Variants in NID2 observed in about 807,000 individuals in gnomAD.
The protein encoded by NID2 is nidogen 2.
Under a neutral mutation model 145.4 loss-of-function variants are expected in NID2, and 83 were observed. The ratio of observed to expected loss-of-function variants is 0.57; its 90% confidence interval spans 0.48 to 0.69. NID2 has a LOEUF of 0.69. Among genes scored for constraint, NID2 ranks in the 30% least tolerant of loss-of-function variants. The probability of loss-of-function intolerance (pLI) is 0.00; values close to 1 mark genes in which losing one functional copy is unlikely to be tolerated. For missense variants in NID2, 1,807 were observed against 1,765.7 expected (o/e 1.02, Z -0.42); for synonymous variants, 739 against 701.3 (o/e 1.05, Z -0.85).
At chr14:52,054,408 A>G in intron 3 of NID2, 87 bp from the exon 4 acceptor site, 2 of 1,344,294 alleles carry the variant, frequency 1.5e-6, no homozygotes, top group Non-Finnish European at 2.0e-6. Flanking sequence ...ACTTATTTTA[A>G]AACGGAAAGA....
intron 20 of NID2, 57 bp downstream of exon 20, chr14:52,006,480 G>A: frequency 6.2e-7 from 1 of 1,604,398 alleles, no homozygotes; most frequent in East Asian, 2.2e-5. Flanking sequence ...AAAACAAGTG[G>A]TGTGTCCTCT....
intron 7 of NID2, 61 bp downstream of exon 7, chr14:52,042,044 C>T: frequency 1.3e-6 from 2 of 1,522,092 alleles, no homozygotes; most frequent in Non-Finnish European, 1.8e-6. Context: ...AAGACAGTGC[C>T]CCAAGGAGCA....
At chr14:52,041,305 A>G (rs114196086) in intron 7 of NID2, among the ~76,000 whole-genome samples, 1,642 of 152,308 alleles carry the variant, frequency 0.011, 28 homozygotes, top group African/African-American at 0.038. Context: ...TGAAATACAA[A>G]TTTATCCAGG....
At chr14:52,014,970 T>TC (rs1391282017) in intron 15 of NID2, 84 bp downstream of exon 15, 13 of 1,111,648 alleles carry the variant, frequency 1.2e-5, no homozygotes, top group East Asian at 5.2e-5. Flanking sequence ...ACCCCACATG[T>TC]CCCCCCACTT....
At chr14:52,006,082 G>A (rs1262748387) in intron 20 of NID2, 1 of 515,936 alleles carries the variant, frequency 1.9e-6, no homozygotes, top group East Asian at 3.5e-5. Context: ...TGTAGGGCAT[G>A]GTGTAAAGGG....
At chr14:52,008,199 G>GCTCT in intron 18 of NID2, 2 of 394,770 alleles carry the variant, frequency 5.1e-6, no homozygotes, top group Non-Finnish European at 9.1e-6. Flanking sequence ...TGCCTTAGGG[G>GCTCT]CTCTCTCTTG....
intron 16 of NID2, 186 bp from the exon 17 acceptor site, chr14:52,011,869 G>A (rs1302009169): frequency 3.1e-5 from 20 of 644,234 alleles, no homozygotes; most frequent in Non-Finnish European, 4.8e-5. Flanking sequence ...TAGTAGCCAT[G>A]TGGCTTTGGG....
intron 9 of NID2, among the ~76,000 whole-genome samples, chr14:52,035,878 A>ACATATATATATATTTATTTATATT (rs1555364238): frequency 7.4e-6 from 1 of 135,204 alleles, no homozygotes; most frequent in Non-Finnish European, 1.5e-5. Context: ...ATATATATAT[A>ACATATATATATATTTATTTATATT]TGTTTTATTT....
chr14:52,018,502 G>C (rs559964005), intron 14 of NID2, among the ~76,000 whole-genome samples: 6 of 152,364 alleles, frequency 3.9e-5, no homozygotes, highest in African/African-American at 1.4e-4. Flanking sequence ...ACAGAAACCA[G>C]ATGTCTGTGC....
chr14:52,031,096 C>T (rs540503033), intron 9 of NID2, among the ~76,000 whole-genome samples: 11 of 152,172 alleles, frequency 7.2e-5, no homozygotes, highest in Non-Finnish European at 1.5e-4. Flanking sequence ...TCATGCTTTC[C>T]ACCGCTTTGC....
chr14:52,068,963 A>ACCGGCCGC lies in NID2; in HGVS notation c.24_31dup (p.Val11GlyfsTer17), dbSNP rs773174204. 2 of 1,612,748 alleles carry ACCGGCCGC rather than the reference A, an allele frequency of 1.2e-6. No individual in the cohort carries two copies. The stretch of plus-strand genomic sequence containing the variant: ...CAGTAGCACTGGTAACGACGACAGC[A>ACCGGCCGC]CCGGCCGCCCGGCCACCCGGTCCCC... On this transcript the variant is annotated frameshift_variant, in exon 1 of 22. Coordinates refer to ENST00000216286, the MANE Select transcript of NID2 (RefSeq NM_007361.4). LOFTEE classifies it high-confidence loss of function.
intron 5 of NID2, among the ~76,000 whole-genome samples, chr14:52,046,651 C>A (rs191251720): frequency 4.6e-5 from 7 of 152,172 alleles, no homozygotes; most frequent in African/African-American, 1.7e-4. Context: ...AGATTGGAAG[C>A]TGTACTACAT....
At position 52,029,623 on chromosome 14, in the gene NID2, C is replaced by A. The variant is rs760827521; in HGVS notation, c.2325G>T (p.Arg775=). ...AATCTACACCTGTCCCTGGATGGCACCGTGCTGTTGTGTCACACATGTGGC... is the reference window on the plus strand; with the variant it reads ...AATCTACACCTGTCCCTGGATGGCAACGTGCTGTTGTGTCACACATGTGGC... ...DGSHMCDTTA[R]CHPGTGVDYT... Residue 775 remains arginine, a synonymous_variant, in exon 10 of 22, where the codon CGG becomes CGT. Coordinates refer to ENST00000216286, the MANE Select transcript of NID2 (RefSeq NM_007361.4). 1.9e-6 allele frequency: 3 copies of A among 1,614,130 alleles called. No homozygotes were observed. The highest frequency in any genetic ancestry group is 2.2e-5 in the South Asian group (2 of 91,078).
At chr14:52,030,571 A>AC (rs1891800620) in intron 9 of NID2, among the ~76,000 whole-genome samples, 1 of 57,562 alleles carries the variant, frequency 1.7e-5, no homozygotes, top group African/African-American at 5.9e-5. Context: ...AAAGAAAGGA[A>AC]GGAAGGGAAA....
At chr14:52,050,973 G>A (rs1009740599) in intron 5 of NID2, among the ~76,000 whole-genome samples, 1 of 152,174 alleles carries the variant, frequency 6.6e-6, no homozygotes, top group African/African-American at 2.4e-5. Context: ...CACGGCAGGT[G>A]CTTGGGTAAC....
At chr14:52,046,958 C>T (rs1441839692) in intron 5 of NID2, among the ~76,000 whole-genome samples, 1 of 152,198 alleles carries the variant, frequency 6.6e-6, no homozygotes, top group Admixed American at 6.5e-5. Context: ...CCTTCATACC[C>T]AAGTGCACAC....
chr14:52,028,553 CG>C (rs1891679074), intron 11 of NID2, 168 bp downstream of exon 11: 3 of 678,492 alleles, frequency 4.4e-6, no homozygotes, highest in Non-Finnish European at 6.9e-6. Context: ...TGATTACAGG[CG>C]TGAGCCACCA....
chr14:52,047,310 T>A (rs755414693), intron 5 of NID2, among the ~76,000 whole-genome samples: 16 of 151,942 alleles, frequency 1.1e-4, no homozygotes, highest in Non-Finnish European at 2.1e-4. Flanking sequence ...AGGGAAGACC[T>A]CAGGAGAAGG....
chr14:52,039,108 GA>G (rs1211805297), intron 8 of NID2, 131 bp from the exon 9 acceptor site: 2 of 676,250 alleles, frequency 3.0e-6, no homozygotes, highest in South Asian at 2.2e-5. Context: ...GAGTTTATAT[GA>G]AAAAATGTGT....
Sources: gnomAD v4.1 joint callset for allele counts (sites outside exome capture counted in the v4.1 genomes callset) on GRCh38, gnomAD v4.1.1 for gene constraint, MANE v1.5 for transcripts, NCBI Gene and HGNC (gene_info 2026-07-23, HGNC 2026-07-21) for gene names.